The following CSGALNACT1 variants were observed in gnomAD, a reference collection of about 807,000 sequenced individuals.
CSGALNACT1 encodes beta4GalNAcT-1.
Under a neutral mutation model 51.0 loss-of-function variants are expected in CSGALNACT1, and 52 were observed. The ratio of observed to expected loss-of-function variants is 1.02; its 90% confidence interval spans 0.82 to 1.29. The LOEUF (loss-of-function observed/expected upper bound fraction) is 1.29. Ranked by LOEUF, CSGALNACT1 falls within the 50% of genes most tolerant of loss-of-function variation. The pLI is 0.00. For synonymous variants in CSGALNACT1, 341 were observed against 254.4 expected (o/e 1.34, Z -3.24); for missense variants, 935 against 679.2 (o/e 1.38, Z -4.19).
At chr8:19,557,430 C>A (rs1027838430) in intron 3 of CSGALNACT1, among the ~76,000 whole-genome samples, 3 of 152,174 alleles carry the variant, frequency 2.0e-5, no homozygotes, top group African/African-American at 7.2e-5. Flanking sequence ...TTCAATACAT[C>A]CCAAATCCTG....
chr8:19,505,296 A>G, exon 4 of CSGALNACT1: 1 of 1,614,138 alleles, frequency 6.2e-7, no homozygotes, highest in Non-Finnish European at 8.5e-7. Flanking sequence ...GGCTTCCACC[A>G]ACTCATCCCG....
intron 4 of CSGALNACT1, among the ~76,000 whole-genome samples, chr8:19,469,721 C>T (rs937796619): frequency 5.9e-5 from 9 of 152,168 alleles, no homozygotes; most frequent in African/African-American, 2.2e-4. Context: ...TACCTACTCT[C>T]AGTCTCTGAA....
intron 6 of CSGALNACT1, among the ~76,000 whole-genome samples, chr8:19,421,837 C>G (rs2058000010): frequency 1.3e-5 from 2 of 152,166 alleles, no homozygotes; most frequent in Non-Finnish European, 2.9e-5. Flanking sequence ...GAGCCCATGT[C>G]AGAGTTTGAT....
intron 9 of CSGALNACT1, among the ~76,000 whole-genome samples, chr8:19,407,863 G>A (rs1343537612): frequency 6.6e-6 from 1 of 152,108 alleles, no homozygotes; most frequent in East Asian, 1.9e-4. Context: ...GGGCATTTGT[G>A]TATATGAATT....
chr8:19,665,243 A>G (rs2059096480), intron 1 of CSGALNACT1, among the ~76,000 whole-genome samples: 1 of 152,208 alleles, frequency 6.6e-6, no homozygotes, highest in Admixed American at 6.5e-5. Flanking sequence ...CAAAGAAAAA[A>G]ATACCATTTT....
At chr8:19,664,995 T>G (rs571654146) in intron 1 of CSGALNACT1, among the ~76,000 whole-genome samples, 21 of 152,172 alleles carry the variant, frequency 1.4e-4, no homozygotes, top group Non-Finnish European at 2.6e-4. Flanking sequence ...AGTACATTCA[T>G]GTAACAAAAA....
intron 1 of CSGALNACT1, among the ~76,000 whole-genome samples, chr8:19,689,331 C>G (rs924028358): frequency 6.6e-6 from 1 of 152,154 alleles, no homozygotes; most frequent in East Asian, 1.9e-4. Flanking sequence ...AACCAGGACC[C>G]CGGCCCTGGA....
chr8:19,753,923 C>CATT (rs1386384336), intron 1 of CSGALNACT1, among the ~76,000 whole-genome samples: 1 of 152,170 alleles, frequency 6.6e-6, no homozygotes, highest in African/African-American at 2.4e-5. Context: ...ACTTCATTCA[C>CATT]ATTAGAATTT....
intron 1 of CSGALNACT1, among the ~76,000 whole-genome samples, chr8:19,654,844 C>G (rs963413390): frequency 1.3e-5 from 2 of 151,962 alleles, no homozygotes; most frequent in African/African-American, 4.8e-5. Context: ...CTGTGCCCAG[C>G]CTAAGTCAGG....
intron 1 of CSGALNACT1, among the ~76,000 whole-genome samples, chr8:19,736,590 T>C (rs1030350427): frequency 1.3e-5 from 2 of 151,938 alleles, no homozygotes; most frequent in Non-Finnish European, 2.9e-5. Context: ...AACTGAACAG[T>C]TCTTACGCAC....
At chr8:19,648,196 T>C (rs891702897) in intron 1 of CSGALNACT1, among the ~76,000 whole-genome samples, 1 of 152,332 alleles carries the variant, frequency 6.6e-6, no homozygotes, top group Admixed American at 6.5e-5. Flanking sequence ...AAGCATTAAG[T>C]GTTATCTCCC....
chr8:19,484,166 T>C (rs919423832), intron 4 of CSGALNACT1, among the ~76,000 whole-genome samples: 4 of 126,678 alleles, frequency 3.2e-5, no homozygotes, highest in Admixed American at 1.5e-4. Context: ...TACTTAATAA[T>C]GGCCCCTAAG....
intron 3 of CSGALNACT1, among the ~76,000 whole-genome samples, chr8:19,513,480 G>T: frequency 1.7e-5 from 2 of 120,936 alleles, no homozygotes; most frequent in Admixed American, 9.3e-5. Flanking sequence ...CCATCTGCCT[G>T]CTGTTAAAGA....
At chr8:19,567,984 C>G (rs1232810017) in intron 3 of CSGALNACT1, among the ~76,000 whole-genome samples, 2 of 152,020 alleles carry the variant, frequency 1.3e-5, no homozygotes, top group Admixed American at 1.3e-4. Context: ...ACTGAGTTCT[C>G]TAAAAGTAGC....
At chr8:19,495,420 G>C (rs1443728619) in intron 4 of CSGALNACT1, among the ~76,000 whole-genome samples, 1 of 152,218 alleles carries the variant, frequency 6.6e-6, no homozygotes, top group African/African-American at 2.4e-5. Flanking sequence ...CCCATCGTAT[G>C]CCTGCAGTAT....
At chr8:19,514,500 T>C (rs1337690316) in intron 3 of CSGALNACT1, among the ~76,000 whole-genome samples, 6 of 136,398 alleles carry the variant, frequency 4.4e-5, no homozygotes, top group African/African-American at 1.7e-4. Flanking sequence ...TATATATATA[T>C]ATATATATAT....
chr8:19,669,447 T>G (rs546925877), intron 1 of CSGALNACT1, among the ~76,000 whole-genome samples: 4 of 152,260 alleles, frequency 2.6e-5, no homozygotes, highest in African/African-American at 9.6e-5. Context: ...TTTTTTGTTG[T>G]TGTTTGTTTG....
chr8:19,426,713 A>G (rs1263559031), intron 6 of CSGALNACT1, among the ~76,000 whole-genome samples: 1 of 152,218 alleles, frequency 6.6e-6, no homozygotes, highest in Non-Finnish European at 1.5e-5. Flanking sequence ...TAAGTTACAC[A>G]GAGTCATTTT....
chr8:19,443,029 C>T (rs578005751), intron 5 of CSGALNACT1, among the ~76,000 whole-genome samples: 4 of 152,128 alleles, frequency 2.6e-5, no homozygotes, highest in Non-Finnish European at 4.4e-5. Context: ...TCCCAGGCAC[C>T]GAGCACCTCA....
Sources: allele counts gnomAD v4.1 joint callset (sites outside exome capture counted in the v4.1 genomes callset), GRCh38; gene constraint gnomAD v4.1.1; transcripts MANE v1.5; gene names NCBI Gene and HGNC (gene_info 2026-07-23, HGNC 2026-07-21).